Variants in MTUS2 observed in about 807,000 individuals in gnomAD.
MTUS2 encodes the protein microtubule-associated tumor suppressor candidate 2.
MTUS2 carries 40 observed loss-of-function variants against 114.1 expected under a neutral mutation model. That is an observed-to-expected ratio of 0.35 (90% confidence interval 0.27 to 0.46). The LOEUF (loss-of-function observed/expected upper bound fraction) is 0.46. Among genes scored for constraint, MTUS2 ranks in the 20% least tolerant of loss-of-function variants. The pLI is 1.00. For synonymous variants in MTUS2, 688 were observed against 672.0 expected, an observed-to-expected ratio of 1.02 and a Z score of -0.37; for missense variants, 1,679 against 1,705.4, an observed-to-expected ratio of 0.98 and a Z score of 0.27.
intron 5 of MTUS2, among the ~76,000 whole-genome samples, chr13:29,174,618 G>A (rs1893695638): frequency 6.6e-6 from 1 of 152,162 alleles, no homozygotes; most frequent in Non-Finnish European, 1.5e-5. Flanking sequence ...TAATAAGTAT[G>A]TTTTTCTCCA....
At chr13:29,151,091 A>G (rs1892647573) in intron 5 of MTUS2, among the ~76,000 whole-genome samples, 1 of 152,176 alleles carries the variant, frequency 6.6e-6, no homozygotes, top group African/African-American at 2.4e-5. Flanking sequence ...TTATATTGGC[A>G]GTTTGATAAC....
chr13:29,222,314 A>G (rs750488334), intron 5 of MTUS2, among the ~76,000 whole-genome samples: 7 of 152,144 alleles, frequency 4.6e-5, no homozygotes, highest in Non-Finnish European at 1.0e-4. Flanking sequence ...TAATTTTAGC[A>G]TAAATTTTGA....
chr13:29,316,534 C>T (rs1899997489), intron 6 of MTUS2, among the ~76,000 whole-genome samples: 1 of 152,192 alleles, frequency 6.6e-6, no homozygotes, highest in Non-Finnish European at 1.5e-5. Context: ...CTCACCCCTG[C>T]CCCTTGCTTC....
chr13:29,196,158 G>A (rs1051645681), intron 5 of MTUS2, among the ~76,000 whole-genome samples: 15 of 150,842 alleles, frequency 9.9e-5, no homozygotes, highest in Non-Finnish European at 1.6e-4. Flanking sequence ...GTGCAGTGGC[G>A]CGATCTCAGC....
At chr13:29,270,664 G>A (rs755960813) in intron 5 of MTUS2, among the ~76,000 whole-genome samples, 2 of 152,222 alleles carry the variant, frequency 1.3e-5, no homozygotes, top group African/African-American at 4.8e-5. Flanking sequence ...ACCATGCCCC[G>A]AGCATGAGCA....
chr13:29,277,775 C>T (rs992752680), intron 5 of MTUS2, among the ~76,000 whole-genome samples: 1 of 152,188 alleles, frequency 6.6e-6, no homozygotes, highest in Non-Finnish European at 1.5e-5. Context: ...TGAAATTTTC[C>T]TGTGAACGGT....
intron 13 of MTUS2, among the ~76,000 whole-genome samples, chr13:29,498,172 T>C (rs1882670821): frequency 6.6e-6 from 1 of 152,208 alleles, no homozygotes; most frequent in South Asian, 2.1e-4. Flanking sequence ...GAGTCAGACT[T>C]GCCAGTGGTT....
chr13:29,142,356 G>A (rs2139006268), intron 5 of MTUS2, among the ~76,000 whole-genome samples: 1 of 152,158 alleles, frequency 6.6e-6, no homozygotes, highest in South Asian at 2.1e-4. Flanking sequence ...TAAATTCCTG[G>A]GTAATGCTGA....
intron 6 of MTUS2, among the ~76,000 whole-genome samples, chr13:29,295,476 G>A (rs1898900420): frequency 6.6e-6 from 1 of 151,766 alleles, no homozygotes; most frequent in African/African-American, 2.4e-5. Context: ...CTCCTTCTAT[G>A]AGATCAACCT....
intron 4 of MTUS2, among the ~76,000 whole-genome samples, chr13:29,084,056 T>C (rs908047168): frequency 2.6e-5 from 4 of 152,138 alleles, no homozygotes; most frequent in African/African-American, 9.7e-5. Flanking sequence ...TTATAGATTA[T>C]AATTATAGGG....
chr13:29,318,721 A>T (rs950684564), intron 6 of MTUS2, among the ~76,000 whole-genome samples: 8 of 152,180 alleles, frequency 5.3e-5, no homozygotes, highest in Admixed American at 3.9e-4. Context: ...TGTCGAAGCC[A>T]CTGATAGCAT....
At chr13:29,005,881 A>G (rs142244916) in intron 2 of MTUS2, among the ~76,000 whole-genome samples, 131 of 152,358 alleles carry the variant, frequency 8.6e-4, no homozygotes, top group African/African-American at 3.1e-3. Context: ...GTAATGTTGA[A>G]AAGGAATAGT....
intron 2 of MTUS2, among the ~76,000 whole-genome samples, chr13:28,845,352 A>G (rs1875799989): frequency 6.6e-6 from 1 of 152,226 alleles, no homozygotes; most frequent in South Asian, 2.1e-4. Flanking sequence ...CATTTTCCTG[A>G]CACTTTGACC....
In MTUS2 at chr13:29,480,306, G is replaced by T; in HGVS notation, c.3341G>T (p.Arg1114Leu). 1 of 1,556,230 alleles carries T rather than the reference G, an allele frequency of 6.4e-7. No individual in the cohort carries two copies. The highest frequency in any genetic ancestry group is 8.7e-7 in the Non-Finnish European group (1 of 1,150,254). Reference protein sequence around the residue: ...LQLQFEAEMARLQEEHGDQLL... With the variant: ...LQLQFEAEMALLQEEHGDQLL... ...CTGCAATTCGAGGCGGAAATGGCGCGCCTGCAGGAGGAGCACGGTGACCAG... is the reference window on the plus strand; with the variant it reads ...CTGCAATTCGAGGCGGAAATGGCGCTCCTGCAGGAGGAGCACGGTGACCAG... The change falls in exon 10 of 16, where the codon CGC (arginine) becomes CTC (leucine). Residue 1114 changes from arginine (R) to leucine (L), a missense_variant. Around this residue, in one of 3 missense-constraint regions of MTUS2, gnomAD observed 822 missense variants for 899.7 expected, o/e 0.91. Transcript: ENST00000612955. The surrounding 1 kb of genome is among the most constrained non-coding windows in gnomAD (Gnocchi z 4.4).
At chr13:29,193,450 A>G (rs1049126097) in intron 5 of MTUS2, among the ~76,000 whole-genome samples, 6 of 152,134 alleles carry the variant, frequency 3.9e-5, no homozygotes, top group South Asian at 2.1e-4. Flanking sequence ...TTATACACCA[A>G]TAACAGACAG....
At chr13:29,415,389 T>C (rs1293639186) in intron 8 of MTUS2, among the ~76,000 whole-genome samples, 7 of 152,200 alleles carry the variant, frequency 4.6e-5, no homozygotes, top group Non-Finnish European at 1.0e-4. Flanking sequence ...TACTGTGTTT[T>C]TTGGAGCATA....
intron 2 of MTUS2, among the ~76,000 whole-genome samples, chr13:28,955,699 T>C (rs1033922625): frequency 6.6e-6 from 1 of 152,078 alleles, no homozygotes; most frequent in African/African-American, 2.4e-5. Context: ...TGCTGTCATC[T>C]ATGGGGAGGT....
chr13:28,963,610 C>G (rs1201913774), intron 2 of MTUS2, among the ~76,000 whole-genome samples: 6 of 152,008 alleles, frequency 3.9e-5, no homozygotes, highest in African/African-American at 1.5e-4. Context: ...AAAACAAAAC[C>G]AAAACCCCTT....
chr13:29,365,161 T>G (rs929284470), intron 8 of MTUS2, among the ~76,000 whole-genome samples: 1 of 152,212 alleles, frequency 6.6e-6, no homozygotes, highest in African/African-American at 2.4e-5. Context: ...CTAAAGGAAG[T>G]TTTTAGCACA....
Sources: gnomAD v4.1 joint callset for allele counts (sites outside exome capture counted in the v4.1 genomes callset) on GRCh38, gnomAD v4.1.1 for gene constraint, gnomAD v4.1.1 regional missense constraint, Gnocchi (gnomAD v3.1) non-coding constraint, MANE v1.5 for transcripts, NCBI Gene and HGNC (gene_info 2026-07-23, HGNC 2026-07-21) for gene names.